The following PITPNC1 variants were observed in gnomAD, a reference collection of about 807,000 sequenced individuals.
PITPNC1 encodes phosphatidylinositol transfer protein cytoplasmic 1, also known as cytoplasmic phosphatidylinositol transfer protein 1.
PITPNC1 carries 18 observed loss-of-function variants against 44.7 expected under a neutral mutation model. The observed-to-expected ratio is 0.40, with a 90% CI of 0.28 to 0.60. The LOEUF is 0.60. Ranked by LOEUF, PITPNC1 falls within the 20% of genes least tolerant of loss-of-function variation. The pLI is 0.39. For missense variants in PITPNC1, 290 were observed against 418.4 expected, an observed-to-expected ratio of 0.69 and a Z score of 2.68; for synonymous variants, 141 against 149.6, an observed-to-expected ratio of 0.94 and a Z score of 0.42.
At chr17:67,435,495 GC>G (rs2038925232) in intron 1 of PITPNC1, among the ~76,000 whole-genome samples, 1 of 152,182 alleles carries the variant, frequency 6.6e-6, no homozygotes, top group African/African-American at 2.4e-5. Context: ...ACAAACTCCT[GC>G]CCCCATGGGG....
chr17:67,549,614 A>T (rs1265096676), intron 2 of PITPNC1, among the ~76,000 whole-genome samples: 1 of 152,100 alleles, frequency 6.6e-6, no homozygotes, highest in Non-Finnish European at 1.5e-5. Context: ...CCAGAAAATG[A>T]CTGTGGCTCA....
intron 1 of PITPNC1, among the ~76,000 whole-genome samples, chr17:67,495,043 TTTTTTTTTG>T (rs1246295753): frequency 0.018 from 1,119 of 61,994 alleles, 57 homozygotes; most frequent in African/African-American, 0.043. Context: ...TGGAGTTGTT[TTTTTTTTTG>T]TTTTTTTTTT....
chr17:67,442,992 G>A (rs562395390), intron 1 of PITPNC1, among the ~76,000 whole-genome samples: 44 of 152,096 alleles, frequency 2.9e-4, no homozygotes, highest in African/African-American at 4.6e-4. Context: ...AAAAGTCCCC[G>A]CGGGCTCTGA....
intron 1 of PITPNC1, among the ~76,000 whole-genome samples, chr17:67,430,130 A>T (rs1388945831): frequency 6.6e-6 from 1 of 152,252 alleles, no homozygotes; most frequent in Non-Finnish European, 1.5e-5. Context: ...GGTTTAAGAC[A>T]GTTCTGAATG....
intron 6 of PITPNC1, among the ~76,000 whole-genome samples, chr17:67,650,067 G>T (rs1202555681): frequency 1.3e-5 from 2 of 152,138 alleles, no homozygotes; most frequent in Non-Finnish European, 2.9e-5. Context: ...TGGTGTTTCT[G>T]GTGACCAGAG....
chr17:67,482,985 CCT>C (rs1440096400), intron 1 of PITPNC1, among the ~76,000 whole-genome samples: 1 of 135,834 alleles, frequency 7.4e-6, no homozygotes, highest in African/African-American at 2.9e-5. Flanking sequence ...CCACAGTAGG[CCT>C]CTCTATATTA....
intron 1 of PITPNC1, among the ~76,000 whole-genome samples, chr17:67,498,373 C>T (rs1190831199): frequency 6.6e-6 from 1 of 152,172 alleles, no homozygotes; most frequent in Non-Finnish European, 1.5e-5. Flanking sequence ...GCGGGCAGAT[C>T]ATCTGCAGTC....
Position 67,692,995 on chromosome 17 carries a change from C to A in PITPNC1, c.*107C>A. ...GACTGCTTTGTCACTCAAACATGTT[C>A]CTTCGACCTTTCAGTGTGCATGTGA... On this transcript the variant is annotated 3_prime_UTR_variant, in exon 9 of 9. Transcript: ENST00000581322. The A allele has an allele frequency of 1.4e-6, 1 of 722,750 alleles. No individual in the cohort carries two copies. Among genetic ancestry groups the A allele is most frequent in the Non-Finnish European group, 2.3e-6 (1 of 430,088 alleles). 44.8% of individuals were successfully genotyped at this position (722,750 alleles called of 1,614,324 possible). A position where few individuals can be genotyped will look rare whatever the true frequency, so the allele number is the denominator to read the frequency against.
Position 67,561,945 on chromosome 17 carries a change from G to C in PITPNC1, c.294+8328G>C, listed in dbSNP as rs777667912. On this transcript the variant is annotated intron_variant, in intron 4 of 8. Transcript: ENST00000581322. ...TCTTTTTATTTGATGTGGTCTCCCT[G>C]TCTCTTTAAATTCTTGTCTTGCCAT... is the stretch of plus-strand genomic sequence containing the variant. 2.0e-5 allele frequency among the ~76,000 whole-genome samples: 3 copies of C among 152,086 alleles called. No individual in the cohort carries two copies. The East Asian group carries it at 5.8e-4, about 29-fold the overall frequency.
chr17:67,436,567 G>A (rs545898845), intron 1 of PITPNC1, among the ~76,000 whole-genome samples: 4 of 152,240 alleles, frequency 2.6e-5, no homozygotes, highest in East Asian at 1.9e-4. Context: ...GAAAGCGTTC[G>A]GGGCCTGGCT....
intron 4 of PITPNC1, among the ~76,000 whole-genome samples, chr17:67,575,440 G>T (rs1394678572): frequency 1.3e-5 from 2 of 152,200 alleles, no homozygotes; most frequent in Non-Finnish European, 2.9e-5. Flanking sequence ...GGGATTGATT[G>T]TTTCCGTGTT....
intron 5 of PITPNC1, among the ~76,000 whole-genome samples, chr17:67,603,800 C>T (rs992443298): frequency 6.6e-6 from 1 of 152,024 alleles, no homozygotes; most frequent in Non-Finnish European, 1.5e-5. Context: ...CTTGGTGGTG[C>T]ATGCTTGTAA....
intron 1 of PITPNC1, among the ~76,000 whole-genome samples, chr17:67,497,172 GT>G (rs1373028080): frequency 6.6e-6 from 1 of 150,848 alleles, no homozygotes; most frequent in South Asian, 2.1e-4. Context: ...ACTTATCTAT[GT>G]TTTTTGTTTT....
At chr17:67,436,967 T>C (rs2038947840) in intron 1 of PITPNC1, among the ~76,000 whole-genome samples, 1 of 133,872 alleles carries the variant, frequency 7.5e-6, no homozygotes, top group Admixed American at 8.6e-5. Flanking sequence ...TTGCCCAGGC[T>C]GGAGTACAGT....
intron 2 of PITPNC1, 112 bp from the exon 3 acceptor site, chr17:67,552,145 A>G: frequency 2.9e-6 from 2 of 691,044 alleles, no homozygotes; most frequent in South Asian, 3.2e-5. Context: ...TGTGGAGAAA[A>G]GAGATGCCCC....
chr17:67,655,751 T>C (rs2042258929), intron 6 of PITPNC1, among the ~76,000 whole-genome samples: 1 of 151,856 alleles, frequency 6.6e-6, no homozygotes, highest in Non-Finnish European at 1.5e-5. Context: ...ATGGGCAACA[T>C]AATGAGACCT....
At chr17:67,537,377 T>C (rs146111205) in intron 2 of PITPNC1, among the ~76,000 whole-genome samples, 128 of 152,240 alleles carry the variant, frequency 8.4e-4, no homozygotes, top group African/African-American at 3.0e-3. Context: ...ACAATCCATA[T>C]AGAAAAATCC....
chr17:67,653,540 T>TTTG (rs147859807), intron 6 of PITPNC1, among the ~76,000 whole-genome samples: 4,644 of 152,162 alleles, frequency 0.031, 233 homozygotes, highest in African/African-American at 0.11. Context: ...TGATTATCTT[T>TTTG]TTGTTGTTGT....
chr17:67,566,883 G>T (rs576554540), intron 4 of PITPNC1, among the ~76,000 whole-genome samples: 1 of 152,318 alleles, frequency 6.6e-6, no homozygotes, highest in African/African-American at 2.4e-5. Flanking sequence ...GCATGTCAGA[G>T]CTAGACAGCC....
Sources: gnomAD v4.1 joint callset for allele counts (sites outside exome capture counted in the v4.1 genomes callset) on GRCh38, gnomAD v4.1.1 for gene constraint, MANE v1.5 for transcripts, NCBI Gene and HGNC (gene_info 2026-07-23, HGNC 2026-07-21) for gene names.